Variants in COL24A1 observed in about 807,000 individuals in gnomAD.
COL24A1 encodes the protein collagen alpha-1(XXIV) chain.
A neutral mutation model predicts 253.9 loss-of-function variants in COL24A1; 224 were observed. That is an observed-to-expected ratio of 0.88 (90% CI 0.79 to 0.99). The LOEUF is 0.99. Among genes scored for constraint, COL24A1 ranks in the 50% least tolerant of loss-of-function variants. The probability of loss-of-function intolerance (pLI) is 0.00; values close to 1 mark genes in which losing one functional copy is unlikely to be tolerated. For synonymous variants in COL24A1, 685 were observed against 673.7 expected (o/e 1.02, Z -0.26); for missense variants, 2,131 against 2,068.5 (o/e 1.03, Z -0.59).
In COL24A1 at chr1:86,125,459, T is replaced by C. The variant is rs144265951; in HGVS notation, c.877A>G (p.Ile293Val). Residue 293 changes from isoleucine to valine, a missense_variant, in exon 3 of 60, where the codon ATC becomes GTC. Coordinates refer to ENST00000370571, the MANE Select transcript of COL24A1 (RefSeq NM_152890.7). The part of the protein sequence containing the change: ...TFTEGKSIPN[I>V]IKNDSETVYK... ...ACGGTTTCAGAATCATTTTTTATGA[T>C]ATTTGGAATGCTTTTGCCTTCAGTA... 1.1e-4 allele frequency: 172 copies of C among 1,613,690 alleles called. No homozygotes were observed. The African/African-American group carries it at 1.8e-3, about 17-fold the overall frequency.
At chr1:85,993,402 G>C (rs189885610) in intron 19 of COL24A1, among the ~76,000 whole-genome samples, 38 of 150,800 alleles carry the variant, frequency 2.5e-4, no homozygotes, top group Admixed American at 5.9e-4. Flanking sequence ...TGGCAACCTA[G>C]ACGAATCTCA....
chr1:85,977,070 C>T (rs1358611601), intron 20 of COL24A1, among the ~76,000 whole-genome samples: 3 of 152,192 alleles, frequency 2.0e-5, no homozygotes, highest in African/African-American at 7.2e-5. Context: ...ATCTCCAGCA[C>T]CAGCCTGGAG....
chr1:85,950,413 T>C (rs918315194), intron 24 of COL24A1, among the ~76,000 whole-genome samples: 1 of 152,198 alleles, frequency 6.6e-6, no homozygotes, highest in Non-Finnish European at 1.5e-5. Context: ...AAAAAAATAC[T>C]GAGCTTTCAT....
rs372205588 is a variant in COL24A1, at chr1:86,063,359, C to CTG, written c.1752+354_1752+355dup. ...TACAAAAAAAATTAAGTCTCTCTCT[C>CTG]TGTGTGTGTGTGTGTGTGTGTGTTT... is the stretch of plus-strand genomic sequence containing the variant. On this transcript the variant is annotated intron_variant, in intron 8 of 59. Coordinates refer to ENST00000370571, the MANE Select transcript of COL24A1 (RefSeq NM_152890.7). 8.5e-3 allele frequency among the ~76,000 whole-genome samples: 1,003 copies of CTG among 117,568 alleles called. 5 individuals carry two copies. The highest frequency in any genetic ancestry group is 0.027 in the African/African-American group (774 of 29,060). 77.1% of individuals were successfully genotyped at this position (117,568 alleles called of 152,430 possible).
At chr1:85,787,820 A>G (rs1669842579) in intron 47 of COL24A1, among the ~76,000 whole-genome samples, 2 of 152,188 alleles carry the variant, frequency 1.3e-5, no homozygotes, top group South Asian at 4.1e-4. Flanking sequence ...GTCTTCCACA[A>G]TGGTTGGACT....
chr1:85,992,243 G>A (rs1015714429), intron 19 of COL24A1, among the ~76,000 whole-genome samples: 1 of 152,100 alleles, frequency 6.6e-6, no homozygotes, highest in African/African-American at 2.4e-5. Context: ...CCCTACAAAG[G>A]ACATGAACTC....
intron 35 of COL24A1, among the ~76,000 whole-genome samples, chr1:85,873,820 A>C (rs1680820460): frequency 8.0e-6 from 1 of 125,656 alleles, no homozygotes; most frequent in Non-Finnish European, 1.8e-5. Flanking sequence ...CCTAGAACTT[A>C]AAATACATAA....
chr1:85,820,371 T>G lies in COL24A1; in HGVS notation c.3790-2284A>C, dbSNP rs1339155175. Among the ~76,000 whole-genome samples the G allele has an allele frequency of 3.3e-5, 5 of 152,126 alleles. No individual in the cohort carries two copies. In the South Asian group the frequency reaches 8.3e-4, roughly 25 times the overall value. On this transcript the variant is annotated intron_variant, in intron 45 of 59. Transcript: ENST00000370571. Reference sequence around the variant, plus strand: ...TGTATGGTGTGGGGAGCAGAGAATGTTATTTATATGTGGCCAAGAACAGAA... The same window carrying G: ...TGTATGGTGTGGGGAGCAGAGAATGGTATTTATATGTGGCCAAGAACAGAA...
chr1:85,834,239 T>G (rs72952527), intron 43 of COL24A1, among the ~76,000 whole-genome samples: 1,523 of 151,222 alleles, frequency 0.01, 26 homozygotes, highest in African/African-American at 0.035. Flanking sequence ...CTGTGAGACA[T>G]GAGTAGGGGT....
chr1:85,882,970 T>C (rs959217092), intron 32 of COL24A1, among the ~76,000 whole-genome samples: 6 of 152,188 alleles, frequency 3.9e-5, no homozygotes, highest in Non-Finnish European at 5.9e-5. Context: ...ATATTTCACA[T>C]GGATTTCTTG....
chr1:86,047,703 T>G (rs1181057835), intron 11 of COL24A1, among the ~76,000 whole-genome samples: 2 of 152,018 alleles, frequency 1.3e-5, no homozygotes, highest in African/African-American at 4.8e-5. Flanking sequence ...TATTAAAATT[T>G]TTTATATATA....
At chr1:85,990,780 T>C (rs898570563) in intron 19 of COL24A1, among the ~76,000 whole-genome samples, 1 of 152,182 alleles carries the variant, frequency 6.6e-6, no homozygotes, top group Non-Finnish European at 1.5e-5. Flanking sequence ...ACATCAAATA[T>C]GTTTAAGTTC....
At chr1:85,920,443 C>T (rs1686337193) in intron 24 of COL24A1, among the ~76,000 whole-genome samples, 1 of 152,124 alleles carries the variant, frequency 6.6e-6, no homozygotes, top group African/African-American at 2.4e-5. Context: ...GGGATAGATA[C>T]ATTGGTTATA....
intron 55 of COL24A1, among the ~76,000 whole-genome samples, chr1:85,747,659 G>A (rs541107173): frequency 2.2e-4 from 33 of 152,146 alleles, no homozygotes; most frequent in Middle Eastern, 3.4e-3. Context: ...TATTCAATTA[G>A]TTGTGAAGAA....
chr1:85,781,206 T>A lies in COL24A1; in HGVS notation c.4338+14A>T, dbSNP rs776457191. 6.4e-7 allele frequency: 1 copy of A among 1,567,378 alleles called. No homozygotes were observed. The highest frequency in any genetic ancestry group is 8.7e-7 in the Non-Finnish European group (1 of 1,149,416). ...AAAAAAGAGTACAAAAGACTTGTATTATGATAAACTTACAGTTCTACCTGT... is the reference window on the plus strand; with the variant it reads ...AAAAAAGAGTACAAAAGACTTGTATAATGATAAACTTACAGTTCTACCTGT... On this transcript the variant is annotated intron_variant, in intron 52 of 59. Transcript: ENST00000370571.
intron 19 of COL24A1, among the ~76,000 whole-genome samples, chr1:85,992,532 C>A (rs1694384457): frequency 6.6e-6 from 1 of 151,980 alleles, no homozygotes; most frequent in African/African-American, 2.4e-5. Flanking sequence ...TAAACACACT[C>A]AAAATGTACA....
At chr1:86,153,374 T>C (rs758804552) in intron 1 of COL24A1, among the ~76,000 whole-genome samples, 7 of 152,176 alleles carry the variant, frequency 4.6e-5, no homozygotes, top group Non-Finnish European at 8.8e-5. Flanking sequence ...AGAACCACAC[T>C]GGGCCCATAG....
intron 19 of COL24A1, among the ~76,000 whole-genome samples, chr1:85,988,680 G>A (rs993446008): frequency 6.6e-6 from 1 of 152,118 alleles, no homozygotes; most frequent in African/African-American, 2.4e-5. Context: ...AGGTAGTTCA[G>A]TGAAGGGATA....
chr1:86,050,273 T>A, intron 10 of COL24A1, 96 bp from the exon 11 acceptor site: 1 of 990,116 alleles, frequency 1.0e-6, no homozygotes, highest in Non-Finnish European at 1.5e-6. Flanking sequence ...TTTGTAGTAG[T>A]ACGAAATTAC....
Sources: gnomAD v4.1 joint callset for allele counts (sites outside exome capture counted in the v4.1 genomes callset) on GRCh38, gnomAD v4.1.1 for gene constraint, MANE v1.5 for transcripts, NCBI Gene and HGNC (gene_info 2026-07-23, HGNC 2026-07-21) for gene names.